Variants in ATXN10 observed in about 807,000 individuals in gnomAD.
The protein encoded by ATXN10 is ataxin 10.
A neutral mutation model predicts 52.9 loss-of-function variants in ATXN10; 28 were observed. That is an observed-to-expected ratio of 0.53 (90% CI 0.39 to 0.73). The LOEUF is 0.73. Among genes scored for constraint, ATXN10 ranks in the 30% least tolerant of loss-of-function variants. The pLI, the probability that ATXN10 is intolerant of heterozygous loss-of-function variation, is 0.00. For synonymous variants in ATXN10, 226 were observed against 221.5 expected (o/e 1.02, Z -0.18); for missense variants, 565 against 577.0 (o/e 0.98, Z 0.21).
In ATXN10 at chr22:45,766,733, G is replaced by GA. The variant is rs1926595840; in HGVS notation, c.1173+26201dup. 1.3e-5 allele frequency among the ~76,000 whole-genome samples: 2 copies of GA among 151,888 alleles called. No individual in the cohort carries two copies. Among genetic ancestry groups the GA allele is most frequent in the Non-Finnish European group, 2.9e-5 (2 of 67,926 alleles). On this transcript the variant is annotated intron_variant, in intron 9 of 11. Coordinates refer to ENST00000252934, the MANE Select transcript of ATXN10 (RefSeq NM_013236.4). The surrounding 1 kb of genome is among the most constrained non-coding windows in gnomAD (Gnocchi z 4.6). ...GCAAATAAGCACATAAAATGATAAA[G>GA]AAAAAATAGTGGAAAAGATTTGCAA...
At chr22:45,776,809 T>C (rs1352747208) in intron 9 of ATXN10, among the ~76,000 whole-genome samples, 2 of 152,254 alleles carry the variant, frequency 1.3e-5, no homozygotes, top group African/African-American at 4.8e-5. Context: ...TGCCAGTTTT[T>C]TTAAGCATTG....
intron 6 of ATXN10, among the ~76,000 whole-genome samples, chr22:45,723,336 T>A (rs1924736071): frequency 6.6e-6 from 1 of 151,866 alleles, no homozygotes; most frequent in Non-Finnish European, 1.5e-5. Flanking sequence ...GGTTGTATAG[T>A]GGTGTGATTT....
At chr22:45,700,511 G>T in intron 4 of ATXN10, 133 bp downstream of exon 4, 1 of 739,838 alleles carries the variant, frequency 1.4e-6, no homozygotes, top group Admixed American at 2.1e-5. Flanking sequence ...GTTCTTGGTG[G>T]GTGGGTACCA....
At position 45,783,782 on chromosome 22, in the gene ATXN10, G is replaced by A. The variant is rs545551882; in HGVS notation, c.1174-23177G>A. Among the ~76,000 whole-genome samples, 1 of 152,350 alleles carries A rather than the reference G, an allele frequency of 6.6e-6. No individual in the cohort carries two copies. The highest frequency in any genetic ancestry group is 2.1e-4 in the South Asian group (1 of 4,822). On this transcript the variant is annotated intron_variant, in intron 9 of 11. Coordinates refer to ENST00000252934, the MANE Select transcript of ATXN10 (RefSeq NM_013236.4). The surrounding 1 kb of genome is among the most constrained non-coding windows in gnomAD (Gnocchi z 5.0). ...TAGAAGATTAAAAGAGGTGCCAGGTGTTAGCACACAGAGAAATAGGTCTTG... is the reference window on the plus strand; with the variant it reads ...TAGAAGATTAAAAGAGGTGCCAGGTATTAGCACACAGAGAAATAGGTCTTG...
rs928996999 is a variant in ATXN10 at position 45,844,542 on chromosome 22, G to C, written c.*871G>C. On this transcript the variant is annotated 3_prime_UTR_variant, in exon 12 of 12. Coordinates refer to ENST00000252934, the MANE Select transcript of ATXN10 (RefSeq NM_013236.4). ...CACTGAAATTGCAAAAGTACTTTTA[G>C]GGAGCAGGAGTTTATTTGACATCTA... is the stretch of plus-strand genomic sequence containing the variant. 3.9e-5 allele frequency: 6 copies of C among 152,188 alleles called. No individual in the cohort carries two copies. Among genetic ancestry groups the C allele is most frequent in the African/African-American group, 1.4e-4 (6 of 41,444 alleles). The allele number at this position is 152,188 out of a possible 1,614,324, so 9.4% of individuals were successfully genotyped here. A position where few individuals can be genotyped will look rare whatever the true frequency, so the allele number is the denominator to read the frequency against.
rs772246216 is a variant in ATXN10, at chr22:45,759,999, A to G, written c.1173+19461A>G. On this transcript the variant is annotated intron_variant, in intron 9 of 11. Coordinates refer to ENST00000252934, the MANE Select transcript of ATXN10 (RefSeq NM_013236.4). This position sits in a 1 kb window ranked among gnomAD's most constrained non-coding sequence, Gnocchi z 5.4. ...TGCCAGGAGAGCATGGGGCAGGGGA[A>G]TGATGGCCCTAAGAAAGGAAGGAGG... 6.6e-6 allele frequency among the ~76,000 whole-genome samples: 1 copy of G among 152,212 alleles called. No homozygotes were observed. Among genetic ancestry groups the G allele is most frequent in the Admixed American group, 6.5e-5 (1 of 15,282 alleles).
chr22:45,671,834 G>A lies in ATXN10; in HGVS notation c.-230G>A, dbSNP rs1922445856. 1 of 350,782 alleles carries A rather than the reference G, an allele frequency of 2.9e-6. No homozygotes were observed. The highest frequency in any genetic ancestry group is 5.1e-6 in the Non-Finnish European group (1 of 195,286). 21.7% of individuals were successfully genotyped at this position (350,782 alleles called of 1,614,324 possible). On this transcript the variant is annotated 5_prime_UTR_variant, in exon 1 of 12. Transcript: ENST00000252934. ...CCGCCGGCGCCCCCTCCCCCGCGGCGCCGTCTCCTCCTCCCGCCTGAGGCG... is the reference window on the plus strand; with the variant it reads ...CCGCCGGCGCCCCCTCCCCCGCGGCACCGTCTCCTCCTCCCGCCTGAGGCG...
At position 45,681,123 on chromosome 22, in the gene ATXN10, G is replaced by C. The variant is rs968578968; in HGVS notation, c.117-8589G>C. ...TTAAAAGAGACCTTTGGGTCAGTCT[G>C]CCTCATTCCTTGAAGAGTTTAGCCC... On this transcript the variant is annotated intron_variant, in intron 1 of 11. Coordinates refer to ENST00000252934, the MANE Select transcript of ATXN10 (RefSeq NM_013236.4). This position sits in a 1 kb window ranked among gnomAD's most constrained non-coding sequence, Gnocchi z 4.2. 6.6e-6 allele frequency among the ~76,000 whole-genome samples: 1 copy of C among 152,142 alleles called. No homozygotes were observed. The highest frequency in any genetic ancestry group is 1.5e-5 in the Non-Finnish European group (1 of 68,020).
At position 45,718,539 on chromosome 22, in the gene ATXN10, A is replaced by C; in HGVS notation, c.728+46A>C. ...GTCTGGAGTATTTAGCATTCCATATAGGGTATTCGATGCACGTGACTGAAA... is the reference window on the plus strand; with the variant it reads ...GTCTGGAGTATTTAGCATTCCATATCGGGTATTCGATGCACGTGACTGAAA... On this transcript the variant is annotated intron_variant, in intron 6 of 11. Coordinates refer to ENST00000252934, the MANE Select transcript of ATXN10 (RefSeq NM_013236.4). This position sits in a 1 kb window ranked among gnomAD's most constrained non-coding sequence, Gnocchi z 4.4. The C allele has an allele frequency of 1.3e-6, 2 of 1,491,378 alleles. No individual in the cohort carries two copies. Among genetic ancestry groups the C allele is most frequent in the Non-Finnish European group, 1.9e-6 (2 of 1,068,386 alleles). 92.4% of individuals were successfully genotyped at this position (1,491,378 alleles called of 1,614,324 possible).
chr22:45,742,702 A>T (rs189963455), intron 9 of ATXN10, among the ~76,000 whole-genome samples: 20 of 152,310 alleles, frequency 1.3e-4, no homozygotes, highest in South Asian at 6.2e-4. Flanking sequence ...GTAATTTGTT[A>T]TGTAGCCGTT....
intron 7 of ATXN10, among the ~76,000 whole-genome samples, chr22:45,730,473 G>A (rs1925047486): frequency 1.3e-5 from 2 of 151,966 alleles, no homozygotes; most frequent in South Asian, 4.1e-4. Context: ...TTGCTCTGTC[G>A]CCCAAGCTGG....
chr22:45,694,934 CTGTCT>C, intron 3 of ATXN10, among the ~76,000 whole-genome samples: 1 of 97,064 alleles, frequency 1.0e-5, no homozygotes, highest in Non-Finnish European at 1.8e-5. Flanking sequence ...GAGCAAGACT[CTGTCT>C]CAAAAAAAAA....
chr22:45,776,217 A>C (rs1248826604), intron 9 of ATXN10, among the ~76,000 whole-genome samples: 3 of 152,182 alleles, frequency 2.0e-5, no homozygotes, highest in African/African-American at 7.2e-5. Flanking sequence ...TCTGTCTAAA[A>C]CTTAATGTGG....
intron 5 of ATXN10, among the ~76,000 whole-genome samples, chr22:45,710,910 GGCTT>G (rs1219133055): frequency 2.6e-5 from 4 of 152,044 alleles, no homozygotes; most frequent in African/African-American, 9.7e-5. Context: ...AGTCACTTCA[GGCTT>G]ATCTGAAGCA....
At chr22:45,815,020 C>T (rs1928411067) in intron 10 of ATXN10, among the ~76,000 whole-genome samples, 2 of 152,304 alleles carry the variant, frequency 1.3e-5, no homozygotes, top group Middle Eastern at 3.4e-3. Flanking sequence ...GGGACTGCTG[C>T]ATTAGGAGAC....
chr22:45,777,538 C>T (rs894762172), intron 9 of ATXN10, among the ~76,000 whole-genome samples: 5 of 152,218 alleles, frequency 3.3e-5, no homozygotes, highest in Non-Finnish European at 5.9e-5. Context: ...CTATGTTCAG[C>T]CTCACGTTTA....
Position 45,772,914 on chromosome 22 carries a change from G to T in ATXN10, c.1173+32376G>T, listed in dbSNP as rs1054033226. Among the ~76,000 whole-genome samples the T allele has an allele frequency of 6.6e-6, 1 of 152,164 alleles. No individual in the cohort carries two copies. Among genetic ancestry groups the T allele is most frequent in the Non-Finnish European group, 1.5e-5 (1 of 68,040 alleles). ...GCATATCACCTATGTACATCCTCCC[G>T]TATACTTCAAACCATCTGTAGACTT... On this transcript the variant is annotated intron_variant, in intron 9 of 11. Transcript: ENST00000252934. The surrounding 1 kb of genome is among the most constrained non-coding windows in gnomAD (Gnocchi z 4.1).
At position 45,753,863 on chromosome 22, in the gene ATXN10, T is replaced by A. The variant is rs368533789; in HGVS notation, c.1173+13325T>A. 9.9e-5 allele frequency among the ~76,000 whole-genome samples: 15 copies of A among 152,240 alleles called. No homozygotes were observed. The East Asian group carries it at 2.9e-3, about 29-fold the overall frequency. On this transcript the variant is annotated intron_variant, in intron 9 of 11. Coordinates refer to ENST00000252934, the MANE Select transcript of ATXN10 (RefSeq NM_013236.4). ...ACCTTTTTAACTGCTACACAGAGAT[T>A]TTGATGATGTGGCAGCCTGTGATGG...
chr22:45,702,823 A>C lies in ATXN10; in HGVS notation c.623A>C (p.Gln208Pro). ...NIAIDVIDAYQKHPESEWPFL... is the reference protein window; with the variant it reads ...NIAIDVIDAYPKHPESEWPFL... ...GCAATTGATGTCATAGATGCTTACC[A>C]AAAACATCCTGAATCAGAATGGCCG... Residue 208 changes from glutamine (Q) to proline (P), a missense_variant, in exon 5 of 12, where the codon CAA (glutamine) becomes CCA (proline). Coordinates refer to ENST00000252934, the MANE Select transcript of ATXN10 (RefSeq NM_013236.4). 1.2e-6 allele frequency: 2 copies of C among 1,613,892 alleles called. 1 individual carries two copies. The highest frequency in any genetic ancestry group is 2.2e-5 in the South Asian group (2 of 91,070).
Sources: allele counts gnomAD v4.1 joint callset (sites outside exome capture counted in the v4.1 genomes callset), GRCh38; gene constraint gnomAD v4.1.1; non-coding constraint Gnocchi (gnomAD v3.1); transcripts MANE v1.5; gene names NCBI Gene and HGNC (gene_info 2026-07-23, HGNC 2026-07-21).